The following RARA variants were observed in gnomAD, a reference collection of about 807,000 sequenced individuals.
The protein encoded by RARA is PML-DDX5-RARA fusion.
A neutral mutation model predicts 42.8 loss-of-function variants in RARA; 5 were observed. That is an observed-to-expected ratio of 0.12 (90% confidence interval 0.06 to 0.25). The LOEUF (loss-of-function observed/expected upper bound fraction) is 0.25, where lower values mean the gene tolerates loss of function less well. Ranked by LOEUF, RARA falls within the 10% of genes least tolerant of loss-of-function variation. RARA has a pLI of 1.00. For synonymous variants in RARA, 256 were observed against 259.5 expected, an observed-to-expected ratio of 0.99 and a Z score of 0.13; for missense variants, 402 against 628.7, an observed-to-expected ratio of 0.64 and a Z score of 3.86.
rs575874152 is a variant in RARA, at chr17:40,311,738, G to A, written c.-363+2452G>A. Among the ~76,000 whole-genome samples the A allele has an allele frequency of 1.9e-3, 286 of 152,250 alleles. 1 individual carries two copies. The highest frequency in any genetic ancestry group is 3.4e-3 in the Middle Eastern group (1 of 294). On this transcript the variant is annotated intron_variant, in intron 1 of 8. Transcript: ENST00000254066. ...CTCCCCTGCAGGGCTCCAGAGAGTC[G>A]CTTAGCTGGTTTCCTTCCTCCTTTG...
chr17:40,332,736 G>A (rs1277122056), intron 2 of RARA, among the ~76,000 whole-genome samples: 1 of 152,252 alleles, frequency 6.6e-6, no homozygotes, highest in African/African-American at 2.4e-5. Context: ...CAGGGGGCAG[G>A]CAGGTGCTGC....
At position 40,356,690 on chromosome 17, in the gene RARA, G is replaced by GTA. The variant is rs978176612; in HGVS notation, c.*465_*466dup. 1.1e-4 allele frequency: 60 copies of GTA among 541,752 alleles called. No homozygotes were observed. Among genetic ancestry groups the GTA allele is most frequent in the African/African-American group, 1.1e-3 (57 of 53,894 alleles). 33.6% of individuals were successfully genotyped at this position (541,752 alleles called of 1,614,324 possible). Reference sequence around the variant, plus strand: ...GGGACAGGGGCGGGGGGTTCCCCCTGTACATACCCTGCCATACCAACCCCA... The same window carrying GTA: ...GGGACAGGGGCGGGGGGTTCCCCCTGTATACATACCCTGCCATACCAACCCCA... On this transcript the variant is annotated 3_prime_UTR_variant, in exon 9 of 9. Coordinates refer to ENST00000254066, the MANE Select transcript of RARA (RefSeq NM_000964.4).
At chr17:40,327,679 A>G (rs2033583011) in intron 1 of RARA, among the ~76,000 whole-genome samples, 1 of 152,324 alleles carries the variant, frequency 6.6e-6, no homozygotes, top group East Asian at 1.9e-4. Context: ...GCATGCCTGC[A>G]CACACACAGG....
At chr17:40,342,278 A>G (rs1250926934) in intron 2 of RARA, 1 of 1,060,510 alleles carries the variant, frequency 9.4e-7, no homozygotes, top group African/African-American at 1.7e-5. Flanking sequence ...TCCCTGGAGA[A>G]GCCCCGGATC....
chr17:40,353,248 G>A (rs1352654328), intron 6 of RARA, among the ~76,000 whole-genome samples: 2 of 151,898 alleles, frequency 1.3e-5, no homozygotes, highest in South Asian at 2.1e-4. Context: ...CCGGGCACTC[G>A]GTGAGGTGAG....
intron 2 of RARA, among the ~76,000 whole-genome samples, chr17:40,337,363 G>T (rs1181800796): frequency 6.6e-6 from 1 of 152,202 alleles, no homozygotes; most frequent in Non-Finnish European, 1.5e-5. Context: ...CCTTTCCCCG[G>T]TAGGGGGTGT....
chr17:40,337,535 CG>C (rs2033890938), intron 2 of RARA, among the ~76,000 whole-genome samples: 1 of 152,112 alleles, frequency 6.6e-6, no homozygotes, highest in African/African-American at 2.4e-5. Flanking sequence ...CTGTAGCCCA[CG>C]GGAGTTTGCA....
rs779662497 is a variant in RARA at position 40,309,188 on chromosome 17, C to T, written c.-461C>T. ...GGGAACCCGTGCCTCTTGCAGCAGC[C>T]TAACCCAGAAGCAGGGGGGAATCCT... On this transcript the variant is annotated 5_prime_UTR_variant, in exon 1 of 9. Transcript: ENST00000254066. The T allele has an allele frequency of 2.0e-5, 3 of 152,300 alleles. No individual in the cohort carries two copies. The highest frequency in any genetic ancestry group is 2.9e-5 in the Non-Finnish European group (2 of 68,090). The allele number at this position is 152,300 out of a possible 1,614,324, so 9.4% of individuals were successfully genotyped here. A position where few individuals can be genotyped will look rare whatever the true frequency, so the allele number is the denominator to read the frequency against.
rs749505398 is a variant in RARA, at chr17:40,354,493, C to T, written c.999C>T (p.Cys333=). Residue 333 remains cysteine (C), a synonymous_variant, in exon 7 of 9, where the codon TGC becomes TGT. Coordinates refer to ENST00000254066, the MANE Select transcript of RARA (RefSeq NM_000964.4). The surrounding 1 kb of genome is among the most constrained non-coding windows in gnomAD (Gnocchi z 4.5). The part of the protein sequence containing the change: ...DAETGLLSAI[C]LICGDRQDLE... ...AGACGGGGCTGCTCAGCGCCATCTG[C>T]CTCATCTGCGGAGGTGGGCAGGGGG... The T allele has an allele frequency of 5.0e-6, 8 of 1,613,736 alleles. No individual in the cohort carries two copies. In the South Asian group the frequency reaches 7.7e-5, roughly 16 times the overall value.
In RARA at chr17:40,354,937, T is replaced by G. The variant is rs2034568121; in HGVS notation, c.1013-326T>G. On this transcript the variant is annotated intron_variant, in intron 7 of 8. Coordinates refer to ENST00000254066, the MANE Select transcript of RARA (RefSeq NM_000964.4). This position sits in a 1 kb window ranked among gnomAD's most constrained non-coding sequence, Gnocchi z 4.5. ...ATTTTATTGTTGTGATTTCTGCCAT[T>G]TCATCTGGTTTCCAGAATAACAGGG... 6.6e-6 allele frequency among the ~76,000 whole-genome samples: 1 copy of G among 152,174 alleles called. No homozygotes were observed. Among genetic ancestry groups the G allele is most frequent in the African/African-American group, 2.4e-5 (1 of 41,436 alleles).
chr17:40,330,159 G>T (rs1456747608), intron 1 of RARA, among the ~76,000 whole-genome samples: 1 of 152,230 alleles, frequency 6.6e-6, no homozygotes, highest in African/African-American at 2.4e-5. Flanking sequence ...GTATGTGGGT[G>T]AACCTTGAGA....
intron 1 of RARA, among the ~76,000 whole-genome samples, chr17:40,311,137 C>G (rs552598864): frequency 6.6e-6 from 1 of 152,092 alleles, no homozygotes; most frequent in African/African-American, 2.4e-5. Context: ...TCTCCCCTGC[C>G]CAGTGGCCTC....
At chr17:40,313,258 G>A (rs1178774420) in intron 1 of RARA, among the ~76,000 whole-genome samples, 2 of 152,156 alleles carry the variant, frequency 1.3e-5, no homozygotes, top group Non-Finnish European at 2.9e-5. Flanking sequence ...GGGTCATGGT[G>A]GTTGTTTGCC....
At position 40,320,423 on chromosome 17, in the gene RARA, C is replaced by A. The variant is rs2033343211; in HGVS notation, c.-362-10434C>A. Among the ~76,000 whole-genome samples the A allele has an allele frequency of 6.6e-6, 1 of 152,194 alleles. No individual in the cohort carries two copies. Among genetic ancestry groups the A allele is most frequent in the Non-Finnish European group, 1.5e-5 (1 of 68,034 alleles). On this transcript the variant is annotated intron_variant, in intron 1 of 8. Coordinates refer to ENST00000254066, the MANE Select transcript of RARA (RefSeq NM_000964.4). This position sits in a 1 kb window ranked among gnomAD's most constrained non-coding sequence, Gnocchi z 4.1. Reference sequence around the variant, plus strand: ...CACCCACACATGCCATGACGTGGTTCCTGCCACCCCATCTAAGTATGGGGG... The same window carrying A: ...CACCCACACATGCCATGACGTGGTTACTGCCACCCCATCTAAGTATGGGGG...
intron 1 of RARA, among the ~76,000 whole-genome samples, chr17:40,315,169 TATACAC>T (rs1458651409): frequency 9.3e-6 from 1 of 107,392 alleles, no homozygotes; most frequent in Non-Finnish European, 1.8e-5. Flanking sequence ...TATATATATA[TATACAC>T]ACACACACAC....
chr17:40,317,909 G>T (rs1323248959), intron 1 of RARA, among the ~76,000 whole-genome samples: 1 of 152,152 alleles, frequency 6.6e-6, no homozygotes, highest in Non-Finnish European at 1.5e-5. Context: ...GTGTGGGTGT[G>T]TGTGTGGTTG....
chr17:40,324,991 G>A (rs2033495646), intron 1 of RARA, among the ~76,000 whole-genome samples: 1 of 152,148 alleles, frequency 6.6e-6, no homozygotes, highest in Admixed American at 6.5e-5. Context: ...GGTGGCTCAC[G>A]CCTGTAATCC....
chr17:40,338,631 C>G (rs2033929025), intron 2 of RARA, among the ~76,000 whole-genome samples: 1 of 149,716 alleles, frequency 6.7e-6, no homozygotes, highest in African/African-American at 2.5e-5. Context: ...TCACTTGAAC[C>G]CGGAGGTGGA....
Position 40,331,168 on chromosome 17 carries a change from C to A in RARA, c.-51C>A. On this transcript the variant is annotated 5_prime_UTR_variant, in exon 2 of 9. Transcript: ENST00000254066. ...CGAGGAGGGGTGGTCTGAAGCCCACCAGAGCCCCCTGCCAGACTGTCTGCC... is the reference window on the plus strand; with the variant it reads ...CGAGGAGGGGTGGTCTGAAGCCCACAAGAGCCCCCTGCCAGACTGTCTGCC... The A allele has an allele frequency of 6.5e-7, 1 of 1,535,496 alleles. No individual in the cohort carries two copies. Among genetic ancestry groups the A allele is most frequent in the Non-Finnish European group, 8.8e-7 (1 of 1,140,400 alleles).
Sources: allele counts gnomAD v4.1 joint callset (sites outside exome capture counted in the v4.1 genomes callset), GRCh38; gene constraint gnomAD v4.1.1; non-coding constraint Gnocchi (gnomAD v3.1); transcripts MANE v1.5; gene names NCBI Gene and HGNC (gene_info 2026-07-23, HGNC 2026-07-21).